TNR: variants seen among roughly 807,000 people sequenced by gnomAD.
TNR encodes the protein tenascin-R.
TNR carries 45 observed loss-of-function variants against 150.4 expected under a neutral mutation model. The observed-to-expected ratio is 0.30, with a 90% CI of 0.24 to 0.38. The LOEUF is 0.38. TNR is among the 10% of genes least tolerant of loss of function. The pLI is 1.00. For synonymous variants in TNR, 687 were observed against 678.4 expected (o/e 1.01, Z -0.20); for missense variants, 1,544 against 1,759.1 (o/e 0.88, Z 2.19).
At chr1:175,423,893 A>G (rs779635742) in intron 2 of TNR, among the ~76,000 whole-genome samples, 6 of 152,190 alleles carry the variant, frequency 3.9e-5, no homozygotes, top group Admixed American at 2.6e-4. Flanking sequence ...TATGAATCCC[A>G]CGAGTTCCAG....
chr1:175,587,554 C>T (rs1360514726), intron 1 of TNR, among the ~76,000 whole-genome samples: 1 of 152,076 alleles, frequency 6.6e-6, no homozygotes, highest in Non-Finnish European at 1.5e-5. Flanking sequence ...GGCCCAGCAA[C>T]AAAGTTGTGT....
intron 1 of TNR, among the ~76,000 whole-genome samples, chr1:175,630,831 C>T (rs554920025): frequency 3.7e-4 from 56 of 152,242 alleles, no homozygotes; most frequent in Middle Eastern, 6.8e-3. Context: ...AAAAGGAAGC[C>T]GGACAGCTTA....
intron 15 of TNR, 80 bp downstream of exon 15, chr1:175,359,532 G>T: frequency 3.7e-6 from 6 of 1,604,794 alleles, no homozygotes; most frequent in Non-Finnish European, 4.3e-6. Flanking sequence ...AAAATGTTTT[G>T]TTTATTCACA....
chr1:175,371,344 C>A (rs966377040), intron 9 of TNR, among the ~76,000 whole-genome samples: 1 of 152,232 alleles, frequency 6.6e-6, no homozygotes, highest in Admixed American at 6.5e-5. Context: ...CTTTTCTCAA[C>A]TCTTTCACCT....
chr1:175,467,631 G>A (rs1258454858), intron 2 of TNR, among the ~76,000 whole-genome samples: 1 of 152,090 alleles, frequency 6.6e-6, no homozygotes, highest in Non-Finnish European at 1.5e-5. Context: ...TGGACCCAGG[G>A]GCTAGAAAGT....
At chr1:175,502,680 G>A (rs1394292027) in intron 2 of TNR, among the ~76,000 whole-genome samples, 1 of 152,188 alleles carries the variant, frequency 6.6e-6, no homozygotes, top group East Asian at 1.9e-4. Flanking sequence ...AGGAAAACCA[G>A]TCTAAAGCAA....
chr1:175,474,620 T>A (rs1048572602), intron 2 of TNR, among the ~76,000 whole-genome samples: 5 of 152,202 alleles, frequency 3.3e-5, no homozygotes, highest in Admixed American at 3.3e-4. Context: ...AAGAAAGTGA[T>A]CCAAGGGCAT....
intron 1 of TNR, among the ~76,000 whole-genome samples, chr1:175,588,873 C>T (rs1359829060): frequency 6.6e-6 from 1 of 152,166 alleles, no homozygotes; most frequent in Admixed American, 6.5e-5. Flanking sequence ...CTCCCATGAG[C>T]CCACAGTAAT....
intron 1 of TNR, among the ~76,000 whole-genome samples, chr1:175,658,352 G>A (rs1384615486): frequency 6.6e-6 from 1 of 152,192 alleles, no homozygotes; most frequent in East Asian, 1.9e-4. Context: ...TCACCCTGCT[G>A]CATGAAAGGT....
chr1:175,353,634 T>C (rs1055474275), intron 18 of TNR, among the ~76,000 whole-genome samples: 7 of 152,160 alleles, frequency 4.6e-5, no homozygotes, highest in African/African-American at 1.4e-4. Flanking sequence ...GACCAGTTGT[T>C]ATATAAGAAC....
Position 175,427,799 on chromosome 1 carries a change from C to T in TNR, c.-63-21022G>A, listed in dbSNP as rs531194395. ...CTTTCTTTCCCTTTCTTCCTTCCTT[C>T]CTTCCTCCCTTCCCTCTTTTTTCCT... On this transcript the variant is annotated intron_variant, in intron 2 of 22. Transcript: ENST00000367674. Among the ~76,000 whole-genome samples the T allele has an allele frequency of 7.6e-5, 11 of 145,354 alleles. No homozygotes were observed. The East Asian group carries it at 2.1e-3, about 28-fold the overall frequency.
chr1:175,733,588 G>A (rs1165926222), intron 1 of TNR, among the ~76,000 whole-genome samples: 3 of 152,098 alleles, frequency 2.0e-5, no homozygotes, highest in African/African-American at 7.2e-5. Context: ...AGAGGGGAGG[G>A]CATGGCACAC....
At chr1:175,372,739 T>C (rs1652164597) in intron 9 of TNR, among the ~76,000 whole-genome samples, 1 of 152,170 alleles carries the variant, frequency 6.6e-6, no homozygotes, top group Non-Finnish European at 1.5e-5. Flanking sequence ...GTAAGATACT[T>C]GGGGTCTGCA....
chr1:175,500,757 CT>C (rs1371764133), intron 2 of TNR, among the ~76,000 whole-genome samples: 1 of 152,238 alleles, frequency 6.6e-6, no homozygotes, highest in Non-Finnish European at 1.5e-5. Flanking sequence ...GAAGGGAAGT[CT>C]CCCTGTTCAA....
intron 1 of TNR, among the ~76,000 whole-genome samples, chr1:175,606,456 C>T (rs982930): frequency 0.01 from 1,568 of 152,294 alleles, 34 homozygotes; most frequent in African/African-American, 0.035. Flanking sequence ...GAGAACTAGA[C>T]GTAAATTAAG....
intron 1 of TNR, among the ~76,000 whole-genome samples, chr1:175,740,438 C>CAA (rs55948258): frequency 4.0e-5 from 6 of 150,112 alleles, no homozygotes; most frequent in Admixed American, 6.6e-5. Flanking sequence ...TTTTTTTCAA[C>CAA]AAAAAAAAAG....
chr1:175,673,637 T>C (rs1336368386), intron 1 of TNR, among the ~76,000 whole-genome samples: 1 of 152,182 alleles, frequency 6.6e-6, no homozygotes, highest in Non-Finnish European at 1.5e-5. Context: ...GATGAATGAG[T>C]CTTGCTTCCT....
At chr1:175,362,316 G>C (rs75014660) in intron 14 of TNR, among the ~76,000 whole-genome samples, 1 of 152,126 alleles carries the variant, frequency 6.6e-6, no homozygotes, top group African/African-American at 2.4e-5. Context: ...TCTTCTCGAG[G>C]TGAAATTTTC....
At chr1:175,495,785 C>T (rs571988054) in intron 2 of TNR, among the ~76,000 whole-genome samples, 9 of 152,180 alleles carry the variant, frequency 5.9e-5, no homozygotes, top group Non-Finnish European at 1.3e-4. Context: ...TCAGAAGTGC[C>T]GTTTGTGTGG....
Sources: gnomAD v4.1 joint callset for allele counts (sites outside exome capture counted in the v4.1 genomes callset) on GRCh38, gnomAD v4.1.1 for gene constraint, MANE v1.5 for transcripts, NCBI Gene and HGNC (gene_info 2026-07-23, HGNC 2026-07-21) for gene names.